Variants in RALGAPA2 observed in about 807,000 individuals in gnomAD.
RALGAPA2 encodes the protein Ral GTPase activating protein catalytic subunit alpha 2.
In RALGAPA2, 139 loss-of-function variants were observed where a neutral mutation model predicts 230.4. The observed-to-expected ratio is 0.60, with a 90% CI of 0.53 to 0.69. RALGAPA2 has a LOEUF of 0.69. Among genes scored for constraint, RALGAPA2 ranks in the 30% least tolerant of loss-of-function variants. The probability of loss-of-function intolerance (pLI) is 0.00; values close to 1 mark genes in which losing one functional copy is unlikely to be tolerated. For missense variants in RALGAPA2, 2,163 were observed against 2,276.0 expected (o/e 0.95, Z 1.01); for synonymous variants, 847 against 837.8 (o/e 1.01, Z -0.19).
At chr20:20,591,037 C>T in intron 17 of RALGAPA2, 140 bp downstream of exon 17, 3 of 1,012,484 alleles carry the variant, frequency 3.0e-6, no homozygotes, top group Non-Finnish European at 4.0e-6. Flanking sequence ...CCATAAATCA[C>T]ATCCTTCTAA....
chr20:20,506,660 TA>T (rs1448797112), intron 33 of RALGAPA2, among the ~76,000 whole-genome samples: 2 of 152,048 alleles, frequency 1.3e-5, no homozygotes, highest in African/African-American at 4.8e-5. Context: ...AATACAGAAA[TA>T]TTTTTTCTGT....
chr20:20,519,529 C>T (rs2062975184), intron 31 of RALGAPA2, among the ~76,000 whole-genome samples: 1 of 152,190 alleles, frequency 6.6e-6, no homozygotes. Flanking sequence ...TCTGGCTGGA[C>T]CCACCACTCT....
At chr20:20,507,257 T>A (rs2062561767) in intron 33 of RALGAPA2, among the ~76,000 whole-genome samples, 1 of 152,210 alleles carries the variant, frequency 6.6e-6, no homozygotes, top group African/African-American at 2.4e-5. Context: ...ATGGCCCAAA[T>A]CTTCATTTAG....
At chr20:20,639,502 G>A (rs936426396) in intron 7 of RALGAPA2, among the ~76,000 whole-genome samples, 5 of 152,078 alleles carry the variant, frequency 3.3e-5, no homozygotes, top group East Asian at 3.9e-4. Flanking sequence ...CTCTGGGCCC[G>A]CCTCCTCCTT....
At chr20:20,531,003 C>A (rs1325482464) in intron 27 of RALGAPA2, among the ~76,000 whole-genome samples, 1 of 152,188 alleles carries the variant, frequency 6.6e-6, no homozygotes, top group Non-Finnish European at 1.5e-5. Context: ...GGCAGCCTAA[C>A]AGCACCTGTG....
At chr20:20,557,318 A>AG (rs1568575596) in intron 23 of RALGAPA2, among the ~76,000 whole-genome samples, 1 of 151,856 alleles carries the variant, frequency 6.6e-6, no homozygotes, top group African/African-American at 2.4e-5. Flanking sequence ...TAAAAAAAAA[A>AG]GGGGTAAGTA....
chr20:20,505,922 T>A (rs530321053), intron 33 of RALGAPA2, among the ~76,000 whole-genome samples: 43 of 152,170 alleles, frequency 2.8e-4, no homozygotes, highest in Non-Finnish European at 5.7e-4. Flanking sequence ...GGTAAAAAAA[T>A]ATCTTTTAAA....
chr20:20,537,959 T>A (rs1436649792), intron 24 of RALGAPA2, among the ~76,000 whole-genome samples: 1 of 152,216 alleles, frequency 6.6e-6, no homozygotes, highest in Non-Finnish European at 1.5e-5. Flanking sequence ...TCCTAAGTGA[T>A]GCACCCTGGA....
intron 1 of RALGAPA2, among the ~76,000 whole-genome samples, chr20:20,703,366 A>C (rs1288682099): frequency 5.9e-5 from 9 of 152,212 alleles, no homozygotes; most frequent in Admixed American, 2.6e-4. Context: ...AAATGACATA[A>C]TCTCTCTAAA....
chr20:20,622,942 C>T (rs577263446), intron 10 of RALGAPA2, among the ~76,000 whole-genome samples: 1 of 152,034 alleles, frequency 6.6e-6, no homozygotes, highest in African/African-American at 2.4e-5. Flanking sequence ...AACATGTGTA[C>T]TGAGGGTAAA....
intron 37 of RALGAPA2, among the ~76,000 whole-genome samples, chr20:20,419,315 C>G (rs1433417229): frequency 6.6e-6 from 1 of 152,110 alleles, no homozygotes; most frequent in Admixed American, 6.5e-5. Context: ...AATGAAACAG[C>G]ACTAATCAAA....
intron 10 of RALGAPA2, 139 bp from the exon 11 acceptor site, chr20:20,620,769 C>G: frequency 1.5e-6 from 1 of 655,130 alleles, no homozygotes; most frequent in Non-Finnish European, 2.3e-6. Context: ...TACACAGGGC[C>G]ACAAATCTTT....
intron 18 of RALGAPA2, among the ~76,000 whole-genome samples, chr20:20,585,819 C>T (rs6132318): frequency 0.017 from 2,522 of 152,022 alleles, 95 homozygotes; most frequent in East Asian, 0.15. Flanking sequence ...GACACAGCTG[C>T]CAGTGGGCCT....
At position 20,531,727 on chromosome 20, in the gene RALGAPA2, T is replaced by C. The variant is rs756392598; in HGVS notation, c.3542A>G (p.Gln1181Arg). Residue 1181 changes from glutamine (Q) to arginine (R), a missense_variant, in exon 27 of 40, where the codon CAG (glutamine) becomes CGG (arginine). By Grantham distance (43) the Gln-to-Arg change is conservative. Transcript: ENST00000202677. Reference protein sequence around the residue: ...EELAQCTSHPQVKEAINVIGV... With the variant: ...EELAQCTSHPRVKEAINVIGV... ...TATCACATTGATGGCCTCTTTCACCTGAGGGTGGCTTGTACACTGTGCAAG... is the reference window on the plus strand; with the variant it reads ...TATCACATTGATGGCCTCTTTCACCCGAGGGTGGCTTGTACACTGTGCAAG... The C allele has an allele frequency of 4.4e-6, 7 of 1,608,758 alleles. No homozygotes were observed. In the African/African-American group the frequency reaches 8.0e-5, roughly 18 times the overall value.
intron 13 of RALGAPA2, among the ~76,000 whole-genome samples, chr20:20,613,774 A>T (rs1205016180): frequency 1.3e-5 from 2 of 151,970 alleles, no homozygotes; most frequent in Admixed American, 1.3e-4. Flanking sequence ...AGACCTCCCC[A>T]AGGCTCCCCC....
At chr20:20,551,072 G>A (rs372359704) in intron 23 of RALGAPA2, among the ~76,000 whole-genome samples, 9 of 152,246 alleles carry the variant, frequency 5.9e-5, no homozygotes, top group African/African-American at 1.9e-4. Flanking sequence ...AAAGCTTTAC[G>A]GCAATTAGCC....
In RALGAPA2 at chr20:20,494,879, T is replaced by C. The variant is rs2062159376; in HGVS notation, c.5367+238A>G. On this transcript the variant is annotated intron_variant, in intron 36 of 39. Transcript: ENST00000202677. ...TTACAAAATAATAAATTTGACATTA[T>C]AATTTCCAAAGAGGCCTAGTAATAC... Among the ~76,000 whole-genome samples, 3 of 152,384 alleles carry C rather than the reference T, an allele frequency of 2.0e-5. No homozygotes were observed. The South Asian group carries it at 6.2e-4, about 32-fold the overall frequency.
At chr20:20,534,871 G>C (rs1002507903) in intron 26 of RALGAPA2, among the ~76,000 whole-genome samples, 1 of 152,114 alleles carries the variant, frequency 6.6e-6, no homozygotes, top group African/African-American at 2.4e-5. Flanking sequence ...ACCAAGTCTG[G>C]TATCACATAA....
At chr20:20,449,407 T>C (rs2060938153) in intron 37 of RALGAPA2, among the ~76,000 whole-genome samples, 2 of 152,138 alleles carry the variant, frequency 1.3e-5, no homozygotes, top group African/African-American at 2.4e-5. Flanking sequence ...GCCATGGAAA[T>C]GAAGGGAGCA....
Sources: gnomAD v4.1 joint callset for allele counts (sites outside exome capture counted in the v4.1 genomes callset) on GRCh38, gnomAD v4.1.1 for gene constraint, MANE v1.5 for transcripts, NCBI Gene and HGNC (gene_info 2026-07-23, HGNC 2026-07-21) for gene names.